Variants in FNDC3B observed in about 807,000 individuals in gnomAD.
FNDC3B encodes the protein fibronectin type III domain containing 3B.
Under a neutral mutation model 151.5 loss-of-function variants are expected in FNDC3B, and 12 were observed. The ratio of observed to expected loss-of-function variants is 0.08; its 90% CI spans 0.05 to 0.13. FNDC3B has a LOEUF of 0.13. Ranked by LOEUF, FNDC3B falls within the 10% of genes least tolerant of loss-of-function variation. The probability of loss-of-function intolerance (pLI) is 1.00; values close to 1 mark genes in which losing one functional copy is unlikely to be tolerated. For missense variants in FNDC3B, 1,214 were observed against 1,505.3 expected (o/e 0.81, Z 3.20); for synonymous variants, 528 against 549.0 (o/e 0.96, Z 0.54).
rs781611525 is a variant in FNDC3B at position 172,247,599 on chromosome 3, C to T, written c.331C>T (p.Pro111Ser). The T allele has an allele frequency of 1.2e-5, 20 of 1,614,062 alleles. No individual in the cohort carries two copies. In the South Asian group the frequency reaches 2.0e-4, roughly 16 times the overall value. Residue 111 changes from proline (P) to serine (S), a missense_variant, in exon 5 of 26, where the codon CCA becomes TCA. Physicochemically the swap from Pro to Ser is moderately conservative, Grantham distance 74 (BLOSUM62 -1). This residue lies in a region of FNDC3B where 113 missense variants were observed against 177.8 expected (regional missense o/e 0.64). Coordinates refer to ENST00000415807, the MANE Select transcript of FNDC3B (RefSeq NM_022763.4). ...VTPQSPECYP[P>S]SYPSAMSPTH... is the part of the protein sequence containing the mutation. ...ACCCCAGTCTCCTGAGTGTTATCCCCCAAGCTACCCCTCAGCCATGTCTCC... is the reference window on the plus strand; with the variant it reads ...ACCCCAGTCTCCTGAGTGTTATCCCTCAAGCTACCCCTCAGCCATGTCTCC...
chr3:172,346,795 C>T (rs1733637008), intron 20 of FNDC3B, among the ~76,000 whole-genome samples: 1 of 152,116 alleles, frequency 6.6e-6, no homozygotes, highest in Non-Finnish European at 1.5e-5. Context: ...CCTCTGCCTC[C>T]CTGGTTCAAG....
intron 14 of FNDC3B, 107 bp downstream of exon 14, chr3:172,333,282 G>A (rs774183257): frequency 1.3e-6 from 1 of 740,826 alleles, no homozygotes; most frequent in Non-Finnish European, 2.4e-6. Flanking sequence ...GAAGTTCACA[G>A]CACTTTACAT....
intron 3 of FNDC3B, among the ~76,000 whole-genome samples, chr3:172,146,552 G>A (rs927007659): frequency 4.6e-5 from 7 of 152,196 alleles, no homozygotes; most frequent in Non-Finnish European, 8.8e-5. Flanking sequence ...ATTTGAATAT[G>A]TAGTGAGGTT....
chr3:172,166,246 T>C (rs147050915), intron 3 of FNDC3B, among the ~76,000 whole-genome samples: 104 of 152,336 alleles, frequency 6.8e-4, no homozygotes, highest in African/African-American at 2.3e-3. Context: ...CCAGTATATA[T>C]TGGACTATTT....
chr3:172,241,925 C>T (rs1031699286), intron 4 of FNDC3B, among the ~76,000 whole-genome samples: 2 of 152,182 alleles, frequency 1.3e-5, no homozygotes, highest in African/African-American at 4.8e-5. Flanking sequence ...TGCCTATAAG[C>T]CTATAAAATC....
At chr3:172,164,516 C>T (rs1722915659) in intron 3 of FNDC3B, among the ~76,000 whole-genome samples, 1 of 152,180 alleles carries the variant, frequency 6.6e-6, no homozygotes, top group East Asian at 1.9e-4. Flanking sequence ...AAGAAGTTTA[C>T]TGAGGAAAAC....
At chr3:172,064,336 C>T (rs1484777289) in intron 1 of FNDC3B, among the ~76,000 whole-genome samples, 2 of 152,032 alleles carry the variant, frequency 1.3e-5, no homozygotes, top group Non-Finnish European at 2.9e-5. Flanking sequence ...TTTGTAATTA[C>T]CCAGGCTAAG....
intron 3 of FNDC3B, among the ~76,000 whole-genome samples, chr3:172,218,134 G>GAAAAAAAAAAAAAAAAA (rs57576493): frequency 1.6e-5 from 1 of 62,720 alleles, no homozygotes; most frequent in East Asian, 4.6e-4. Flanking sequence ...CGACTTTCAG[G>GAAAAAAAAAAAAAAAAA]AAAAAAAAAA....
chr3:172,349,781 G>A (rs368129493), intron 21 of FNDC3B, among the ~76,000 whole-genome samples: 19 of 152,082 alleles, frequency 1.2e-4, no homozygotes, highest in Non-Finnish European at 1.9e-4. Flanking sequence ...TCAGCCTCCC[G>A]AGTAGCCGGG....
chr3:172,160,078 TCTCGC>T (rs1722694002), intron 3 of FNDC3B, among the ~76,000 whole-genome samples: 1 of 152,186 alleles, frequency 6.6e-6, no homozygotes, highest in Non-Finnish European at 1.5e-5. Context: ...CTGTCAGCCT[TCTCGC>T]CTGCCTGTAA....
intron 4 of FNDC3B, among the ~76,000 whole-genome samples, chr3:172,241,553 T>TG (rs1727491284): frequency 6.8e-6 from 1 of 147,730 alleles, no homozygotes; most frequent in African/African-American, 2.5e-5. Flanking sequence ...ACATCTTACA[T>TG]GGATGGCAGC....
chr3:172,239,147 G>A (rs1448951733), intron 4 of FNDC3B, among the ~76,000 whole-genome samples: 1 of 151,886 alleles, frequency 6.6e-6, no homozygotes, highest in Non-Finnish European at 1.5e-5. Context: ...TGCTTCTGAG[G>A]GACTTGCAGC....
chr3:172,295,708 A>G (rs1576883209), intron 8 of FNDC3B, among the ~76,000 whole-genome samples, 194 bp downstream of exon 8: 2 of 152,198 alleles, frequency 1.3e-5, no homozygotes, highest in African/African-American at 4.8e-5. Flanking sequence ...AGTAGCATAG[A>G]GCTATTTGGT....
At chr3:172,180,090 A>C (rs1005250724) in intron 3 of FNDC3B, among the ~76,000 whole-genome samples, 1 of 152,132 alleles carries the variant, frequency 6.6e-6, no homozygotes, top group Non-Finnish European at 1.5e-5. Context: ...TTTTGATTGC[A>C]CATGTACCTT....
chr3:172,333,042 C>G (rs1385555665), intron 13 of FNDC3B, 47 bp from the exon 14 acceptor site: 1 of 1,223,790 alleles, frequency 8.2e-7, no homozygotes, highest in Non-Finnish European at 1.2e-6. Context: ...GTATTTAATG[C>G]CCAGAATTTT....
intron 2 of FNDC3B, among the ~76,000 whole-genome samples, chr3:172,129,296 C>A (rs1359029401): frequency 6.6e-6 from 1 of 152,100 alleles, no homozygotes; most frequent in East Asian, 1.9e-4. Context: ...ATGGACTGAT[C>A]CATTACCCTG....
intron 1 of FNDC3B, among the ~76,000 whole-genome samples, chr3:172,076,906 T>C (rs530293275): frequency 1.1e-4 from 17 of 152,336 alleles, no homozygotes; most frequent in East Asian, 1.9e-4. Context: ...GAATTACTTA[T>C]GTTTGTTTTA....
intron 23 of FNDC3B, among the ~76,000 whole-genome samples, chr3:172,372,223 G>A (rs1290765624): frequency 1.3e-5 from 2 of 152,172 alleles, no homozygotes; most frequent in African/African-American, 4.8e-5. Flanking sequence ...GTGTTACTGT[G>A]CTTGTCCTCT....
intron 3 of FNDC3B, among the ~76,000 whole-genome samples, chr3:172,214,129 T>C (rs1470810199): frequency 6.6e-6 from 1 of 152,220 alleles, no homozygotes; most frequent in African/African-American, 2.4e-5. Context: ...GTTTACTGAC[T>C]GCCCTTGATC....
Sources: allele counts gnomAD v4.1 joint callset (sites outside exome capture counted in the v4.1 genomes callset), GRCh38; gene constraint gnomAD v4.1.1; regional missense constraint gnomAD v4.1.1; transcripts MANE v1.5; gene names NCBI Gene and HGNC (gene_info 2026-07-23, HGNC 2026-07-21).